Variants in UBTF observed in about 807,000 individuals in gnomAD.
The protein encoded by UBTF is upstream binding transcription factor.
UBTF carries 8 observed loss-of-function variants against 112.3 expected under a neutral mutation model. The ratio of observed to expected loss-of-function variants is 0.07; its 90% confidence interval spans 0.04 to 0.13. The LOEUF is 0.13. UBTF is among the 10% of genes least tolerant of loss of function. The pLI is 1.00. For synonymous variants in UBTF, 417 were observed against 373.1 expected (o/e 1.12, Z -1.36); for missense variants, 457 against 982.1 (o/e 0.47, Z 7.15).
At chr17:44,213,595 G>A (rs2046689213) in intron 5 of UBTF, among the ~76,000 whole-genome samples, 1 of 152,214 alleles carries the variant, frequency 6.6e-6, no homozygotes, top group Admixed American at 6.5e-5. Context: ...TGGCAGCGCT[G>A]AGCCTCCCCC....
At chr17:44,220,383 C>A (rs899165932), upstream of UBTF, among the ~76,000 whole-genome samples, 4 of 152,232 alleles carry the variant, frequency 2.6e-5, no homozygotes, top group East Asian at 5.8e-4. Context: ...GCGAGCGGTC[C>A]GCGCCCACCC....
intron 2 of UBTF, among the ~76,000 whole-genome samples, chr17:44,217,799 T>C (rs2144555223): frequency 6.6e-6 from 1 of 152,294 alleles, no homozygotes; most frequent in South Asian, 2.1e-4. Context: ...AAAAGCCTCA[T>C]GGTCTTCCTA....
In UBTF at chr17:44,205,987, T is replaced by A. The variant is rs1350089350; in HGVS notation, c.*1255A>T. The A allele has an allele frequency of 6.7e-6, 1 of 149,922 alleles. No individual in the cohort carries two copies. The highest frequency in any genetic ancestry group is 1.5e-5 in the Non-Finnish European group (1 of 67,512). 9.3% of individuals were successfully genotyped at this position (149,922 alleles called of 1,614,324 possible). A position where few individuals can be genotyped will look rare whatever the true frequency, so the allele number is the denominator to read the frequency against. ...CTGAGAAATTAAAGGAAATAGGGGG[T>A]GGTGGGAGGATTCAAGGAAGGCTGG... On this transcript the variant is annotated 3_prime_UTR_variant, in exon 21 of 21. Coordinates refer to ENST00000436088, the MANE Select transcript of UBTF (RefSeq NM_014233.4).
chr17:44,213,442 C>T, intron 5 of UBTF, 160 bp from the exon 6 acceptor site: 1 of 685,318 alleles, frequency 1.5e-6, no homozygotes, highest in South Asian at 2.1e-5. Context: ...GGACTCACCA[C>T]AGAGCAGACC....
chr17:44,220,148 A>AGGCG (rs1222572585), upstream of UBTF, among the ~76,000 whole-genome samples: 5 of 130,488 alleles, frequency 3.8e-5, 1 homozygote, highest in Middle Eastern at 7.9e-3. Context: ...CTCGGAGCCT[A>AGGCG]GGCGGGCGGG....
At chr17:44,207,991 G>A (rs2056375656) in intron 17 of UBTF, 80 bp from the exon 18 acceptor site, 1 of 1,577,904 alleles carries the variant, frequency 6.3e-7, no homozygotes, top group African/African-American at 1.4e-5. Context: ...GCTAGGCAGT[G>A]GGCTGAGCAT....
intron 17 of UBTF, 160 bp downstream of exon 17, chr17:44,209,191 TA>T: frequency 1.5e-6 from 1 of 680,918 alleles, no homozygotes. Flanking sequence ...AAAATAAAAA[TA>T]AAAGGGTGAT....
chr17:44,212,797 CA>C (rs1261361165), intron 7 of UBTF, 21 bp downstream of exon 7: 1 of 1,613,096 alleles, frequency 6.2e-7, no homozygotes, highest in Non-Finnish European at 8.5e-7. Context: ...CCTCCACCCC[CA>C]ACCCTTGGCC....
chr17:44,208,027 C>T, intron 17 of UBTF, 116 bp from the exon 18 acceptor site: 2 of 1,313,332 alleles, frequency 1.5e-6, no homozygotes, highest in Non-Finnish European at 2.1e-6. Flanking sequence ...CCATCTTACC[C>T]CTCCCAGGCT....
intron 6 of UBTF, 82 bp downstream of exon 6, chr17:44,213,136 C>A (rs2056801785): frequency 1.3e-6 from 2 of 1,560,190 alleles, no homozygotes; most frequent in African/African-American, 1.4e-5. Flanking sequence ...TCAGAGATGG[C>A]AAACTCAAGG....
chr17:44,209,775 C>T (rs921581667), intron 15 of UBTF, 42 bp from the exon 16 acceptor site: 1 of 1,593,054 alleles, frequency 6.3e-7, no homozygotes, highest in Admixed American at 1.7e-5. Context: ...GTCCCACCCC[C>T]AAAATACTGC....
chr17:44,210,669 C>G (rs2056608889), intron 13 of UBTF, 123 bp downstream of exon 13: 1 of 1,414,868 alleles, frequency 7.1e-7, no homozygotes, highest in Non-Finnish European at 9.3e-7. Context: ...GCGCCGGCCC[C>G]ACGTCCCAGC....
intron 7 of UBTF, 42 bp from the exon 8 acceptor site, chr17:44,212,496 GC>G: frequency 8.1e-7 from 1 of 1,237,482 alleles, no homozygotes; most frequent in Non-Finnish European, 1.2e-6. Flanking sequence ...GCAGCCAGGG[GC>G]AGGGGGAGGG....
At position 44,210,773 on chromosome 17, in the gene UBTF, C is replaced by T. The variant is rs894152224; in HGVS notation, c.1359+19G>A. 6.4e-6 allele frequency: 10 copies of T among 1,555,558 alleles called. No homozygotes were observed. The East Asian group carries it at 2.4e-4, about 38-fold the overall frequency. ...TGGCAGCCCCCCTGGGGGCACAGCG[C>T]TCCGCCAGGCAGCCTGACCTTCTTC... On this transcript the variant is annotated intron_variant, in intron 13 of 20. Transcript: ENST00000436088.
At position 44,218,219 on chromosome 17, in the gene UBTF, T is replaced by C; in HGVS notation, c.11A>G (p.Glu4Gly). The change falls in exon 2 of 21, where the codon GAA becomes GGA. Residue 4 changes from glutamate (E) to glycine (G), a missense_variant. Glu to Gly is a moderately conservative substitution (Grantham distance 98). Transcript: ENST00000436088. ...TTCCAGGTCTGTGGGGCAGTCGGCT[T>C]CTCCGTTCATCCTCCAGCTGTCCAG... The part of the protein sequence containing the change: MNG[E>G]ADCPTDLEMA... 2 of 1,611,978 alleles carry C rather than the reference T, an allele frequency of 1.2e-6. No individual in the cohort carries two copies. The highest frequency in any genetic ancestry group is 1.7e-6 in the Non-Finnish European group (2 of 1,179,562).
intron 18 of UBTF, 25 bp downstream of exon 18, chr17:44,207,839 A>G (rs780439095): frequency 6.2e-7 from 1 of 1,613,724 alleles, no homozygotes; most frequent in Non-Finnish European, 8.5e-7. Context: ...CCCCTACCCC[A>G]CTGCTGCTCT....
rs1396973391 is a variant in UBTF, at chr17:44,205,483, C to T, written c.*1759G>A. 6.6e-6 allele frequency: 1 copy of T among 152,276 alleles called. No individual in the cohort carries two copies. The highest frequency in any genetic ancestry group is 1.9e-4 in the East Asian group (1 of 5,202). 9.4% of individuals were successfully genotyped at this position (152,276 alleles called of 1,614,324 possible). On this transcript the variant is annotated 3_prime_UTR_variant, in exon 21 of 21. Coordinates refer to ENST00000436088, the MANE Select transcript of UBTF (RefSeq NM_014233.4). ...CTTGGGAAGAAATAGAACCTATAAACCCCTGTACTTAATTCCAGGATTAGG... is the reference window on the plus strand; with the variant it reads ...CTTGGGAAGAAATAGAACCTATAAATCCCTGTACTTAATTCCAGGATTAGG...
chr17:44,208,158 A>G (rs1164110842), intron 17 of UBTF, among the ~76,000 whole-genome samples: 1 of 140,288 alleles, frequency 7.1e-6, no homozygotes, highest in Admixed American at 7.8e-5. Flanking sequence ...GCTGGAGTGC[A>G]GTGGCACAAT....
chr17:44,209,014 C>G (rs528904293), intron 17 of UBTF: 4 of 318,630 alleles, frequency 1.3e-5, no homozygotes, highest in East Asian at 2.3e-4. Flanking sequence ...ACTAAAAATA[C>G]AAAAATTAGC....
Sources: allele counts gnomAD v4.1 joint callset (sites outside exome capture counted in the v4.1 genomes callset), GRCh38; gene constraint gnomAD v4.1.1; transcripts MANE v1.5; gene names NCBI Gene and HGNC (gene_info 2026-07-23, HGNC 2026-07-21).